SLC6A13: variants seen among roughly 807,000 people sequenced by gnomAD.
SLC6A13 encodes sodium- and chloride-dependent GABA transporter 2.
SLC6A13 carries 69 observed loss-of-function variants against 72.9 expected under a neutral mutation model. That is an observed-to-expected ratio of 0.95 (90% CI 0.78 to 1.16). The LOEUF is 1.16. SLC6A13 is among the 50% of genes most tolerant of loss of function. The probability of loss-of-function intolerance (pLI) is 0.00; values close to 1 mark genes in which losing one functional copy is unlikely to be tolerated. For synonymous variants in SLC6A13, 303 were observed against 303.0 expected (o/e 1.00, Z 0.00); for missense variants, 735 against 760.5 (o/e 0.97, Z 0.39).
At position 223,115 on chromosome 12, in the gene SLC6A13, G is replaced by A. The variant is rs1328574540; in HGVS notation, c.1414+17C>T. The A allele has an allele frequency of 1.3e-6, 2 of 1,511,078 alleles. No individual in the cohort carries two copies. Among genetic ancestry groups the A allele is most frequent in the Non-Finnish European group, 1.8e-6 (2 of 1,086,588 alleles). 93.6% of individuals were successfully genotyped at this position (1,511,078 alleles called of 1,614,324 possible). On this transcript the variant is annotated intron_variant, in intron 12 of 14. Coordinates refer to ENST00000343164, the MANE Select transcript of SLC6A13 (RefSeq NM_016615.5). Reference sequence around the variant, plus strand: ...GACAAGAGGAGGATGCTGGGACCTAGGGGAGGAGTCACTCACCGTAAACCC... The same window carrying A: ...GACAAGAGGAGGATGCTGGGACCTAAGGGAGGAGTCACTCACCGTAAACCC...
In SLC6A13 at chr12:229,013, G is replaced by A. The variant is rs146988500; in HGVS notation, c.832-1345C>T. On this transcript the variant is annotated intron_variant, in intron 7 of 14. Coordinates refer to ENST00000343164, the MANE Select transcript of SLC6A13 (RefSeq NM_016615.5). Reference sequence around the variant, plus strand: ...GGGCCAGGGACAGAGCAAGGAAGACGGTGGGGAAAGGGGAAAATGTCTCCA... The same window carrying A: ...GGGCCAGGGACAGAGCAAGGAAGACAGTGGGGAAAGGGGAAAATGTCTCCA... Among the ~76,000 whole-genome samples the A allele has an allele frequency of 1.9e-4, 29 of 152,290 alleles. No homozygotes were observed. The East Asian group carries it at 5.4e-3, about 28-fold the overall frequency.
chr12:255,018 A>G (rs761570657), intron 2 of SLC6A13, among the ~76,000 whole-genome samples: 1 of 151,774 alleles, frequency 6.6e-6, no homozygotes, highest in Non-Finnish European at 1.5e-5. Flanking sequence ...AAAACACAAA[A>G]CCTTGCTCCC....
In SLC6A13 at chr12:254,564, G is replaced by C. The variant is rs1024104843; in HGVS notation, c.202+5287C>G. ...CCTCCCTGATAGAATTTCTTCACTC[G>C]ACTTTCCAAAACACTTCATTCTCTT... On this transcript the variant is annotated intron_variant, in intron 2 of 14. Transcript: ENST00000343164. This position sits in a 1 kb window ranked among gnomAD's most constrained non-coding sequence, Gnocchi z 4.4. Among the ~76,000 whole-genome samples the C allele has an allele frequency of 6.6e-6, 1 of 151,976 alleles. No homozygotes were observed. The highest frequency in any genetic ancestry group is 2.4e-5 in the African/African-American group (1 of 41,358).
rs115371192 is a variant in SLC6A13, at chr12:235,001, G to A, written c.831+89C>T. On this transcript the variant is annotated intron_variant, in intron 7 of 14. Coordinates refer to ENST00000343164, the MANE Select transcript of SLC6A13 (RefSeq NM_016615.5). The stretch of plus-strand genomic sequence containing the variant: ...TGTGGACACCCTAGGGTAGTGCTAG[G>A]TGCGGGGGTTCCCCGTCAGAGTGCA... 2.8e-4 allele frequency: 418 copies of A among 1,483,608 alleles called. 1 individual carries two copies. In the African/African-American group the frequency reaches 3.8e-3, roughly 14 times the overall value. The allele number at this position is 1,483,608 out of a possible 1,614,324, so 91.9% of individuals were successfully genotyped here. A position where few individuals can be genotyped will look rare whatever the true frequency, so the allele number is the denominator to read the frequency against.
intron 2 of SLC6A13, among the ~76,000 whole-genome samples, chr12:247,241 TAA>T (rs899129480): frequency 6.9e-6 from 1 of 145,102 alleles, no homozygotes; most frequent in Non-Finnish European, 1.5e-5. Flanking sequence ...ACACCAAGAT[TAA>T]AAAAAAAATG....
At chr12:237,888 C>A in intron 5 of SLC6A13, 38 bp downstream of exon 5, 1 of 1,464,120 alleles carries the variant, frequency 6.8e-7, no homozygotes, top group Non-Finnish European at 9.6e-7. Context: ...TTCTTCTGAA[C>A]ACACGGCCCA....
intron 1 of SLC6A13, among the ~76,000 whole-genome samples, chr12:261,186 G>A (rs1942915256): frequency 6.6e-6 from 1 of 152,208 alleles, no homozygotes; most frequent in Non-Finnish European, 1.5e-5. Flanking sequence ...GAGGATGACT[G>A]GACGTGGCCC....
chr12:241,760 C>A (rs1193556317), intron 4 of SLC6A13, among the ~76,000 whole-genome samples: 1 of 152,212 alleles, frequency 6.6e-6, no homozygotes, highest in African/African-American at 2.4e-5. Context: ...GTTGTTGTTA[C>A]TTTTTATACA....
chr12:225,948 C>T (rs374838115), intron 9 of SLC6A13, among the ~76,000 whole-genome samples: 12 of 152,300 alleles, frequency 7.9e-5, no homozygotes, highest in African/African-American at 2.9e-4. Flanking sequence ...ATGGAAACTT[C>T]GCCTTGAGAT....
intron 2 of SLC6A13, among the ~76,000 whole-genome samples, chr12:251,478 T>C (rs1185551345): frequency 2.0e-5 from 3 of 152,070 alleles, no homozygotes; most frequent in African/African-American, 7.2e-5. Context: ...TAAGCCAAAA[T>C]GAAACATAGA....
intron 2 of SLC6A13, 97 bp downstream of exon 2, chr12:259,754 T>C: frequency 1.2e-6 from 2 of 1,612,238 alleles, no homozygotes; most frequent in Non-Finnish European, 1.7e-6. Context: ...CAGAATTCTA[T>C]ACATCTATGG....
At chr12:253,134 C>A (rs1388733723) in intron 2 of SLC6A13, among the ~76,000 whole-genome samples, 1 of 152,244 alleles carries the variant, frequency 6.6e-6, no homozygotes, top group Non-Finnish European at 1.5e-5. Flanking sequence ...CTAAAATGTG[C>A]TGGCATTTTC....
intron 2 of SLC6A13, among the ~76,000 whole-genome samples, chr12:245,440 G>A (rs1425580484): frequency 2.6e-5 from 4 of 152,160 alleles, no homozygotes; most frequent in Admixed American, 6.5e-5. Flanking sequence ...CCAGCACTTC[G>A]GGAGGCTGAG....
chr12:243,923 G>T, intron 2 of SLC6A13, 110 bp from the exon 3 acceptor site: 1 of 1,070,004 alleles, frequency 9.3e-7, no homozygotes, highest in Non-Finnish European at 1.3e-6. Context: ...CGGAGGCAGA[G>T]AACATGCAAA....
chr12:259,587 C>A, intron 2 of SLC6A13: 2 of 1,413,526 alleles, frequency 1.4e-6, no homozygotes. Context: ...AGTAGCAGAG[C>A]CAGAATCCAA....
At chr12:229,810 C>A (rs144417929) in intron 7 of SLC6A13, among the ~76,000 whole-genome samples, 3 of 152,166 alleles carry the variant, frequency 2.0e-5, no homozygotes, top group Non-Finnish European at 2.9e-5. Flanking sequence ...AAGCCTGATA[C>A]GGGCATCTTT....
chr12:251,946 G>A (rs369644050), intron 2 of SLC6A13, among the ~76,000 whole-genome samples: 11 of 152,040 alleles, frequency 7.2e-5, no homozygotes, highest in African/African-American at 2.2e-4. Flanking sequence ...ATTGCACTTC[G>A]GCCTGGGTGA....
chr12:227,805 C>G, intron 7 of SLC6A13, 137 bp from the exon 8 acceptor site: 1 of 706,878 alleles, frequency 1.4e-6, no homozygotes, highest in Non-Finnish European at 2.3e-6. Flanking sequence ...ACACTTGCAT[C>G]CTGCTACCTC....
chr12:235,124 AG>A lies in SLC6A13; in HGVS notation c.796del (p.Leu266CysfsTer32). ...PGAAQGIQFY[L>X]YPNLTRLWDP... ...CCACAGACGCGTGAGGTTTGGGTAC[AG>A]GTAAAACTGAATTCCTTGGGCTGCC... On this transcript the variant is annotated frameshift_variant, in exon 7 of 15. Coordinates refer to ENST00000343164, the MANE Select transcript of SLC6A13 (RefSeq NM_016615.5). LOFTEE classifies it high-confidence loss of function. 1 of 1,614,246 alleles carries A rather than the reference AG, an allele frequency of 6.2e-7. No homozygotes were observed. Among genetic ancestry groups the A allele is most frequent in the Non-Finnish European group, 8.5e-7 (1 of 1,180,032 alleles).
Sources: gnomAD v4.1 joint callset for allele counts (sites outside exome capture counted in the v4.1 genomes callset) on GRCh38, gnomAD v4.1.1 for gene constraint, Gnocchi (gnomAD v3.1) non-coding constraint, MANE v1.5 for transcripts, NCBI Gene and HGNC (gene_info 2026-07-23, HGNC 2026-07-21) for gene names.